The following MAD1L1 variants were observed in gnomAD, a reference collection of about 807,000 sequenced individuals.
MAD1L1 encodes the protein mitotic spindle assembly checkpoint protein MAD1.
In MAD1L1, 95 loss-of-function variants were observed where a neutral mutation model predicts 96.9. That is an observed-to-expected ratio of 0.98 (90% confidence interval 0.83 to 1.16). MAD1L1 has a LOEUF of 1.16. Ranked by LOEUF, MAD1L1 falls within the 50% of genes most tolerant of loss-of-function variation. The probability of loss-of-function intolerance (pLI) is 0.00; values close to 1 mark genes in which losing one functional copy is unlikely to be tolerated. For missense variants in MAD1L1, 1,007 were observed against 954.4 expected, an observed-to-expected ratio of 1.06 and a Z score of -0.73; for synonymous variants, 473 against 396.6, an observed-to-expected ratio of 1.19 and a Z score of -2.29.
chr7:2,180,967 C>T (rs968957461), intron 10 of MAD1L1, among the ~76,000 whole-genome samples: 1 of 152,220 alleles, frequency 6.6e-6, no homozygotes, highest in African/African-American at 2.4e-5. Context: ...ATCCTGTCTT[C>T]ATTTTTCTTC....
In MAD1L1 at chr7:2,107,566, C is replaced by T. The variant is rs1787166473; in HGVS notation, c.1074-38228G>A. The stretch of plus-strand genomic sequence containing the variant: ...ATCATGCTGTGATCCCCGCACTGTG[C>T]CAGCCCTGCTGGCGTCCCAGCAGCT... On this transcript the variant is annotated intron_variant, in intron 11 of 18. Coordinates refer to ENST00000265854, the MANE Select transcript of MAD1L1 (RefSeq NM_001013836.2). 4 of 152,464 alleles carry T rather than the reference C, an allele frequency of 2.6e-5. No individual in the cohort carries two copies. The South Asian group carries it at 8.3e-4, about 32-fold the overall frequency. 9.4% of individuals were successfully genotyped at this position (152,464 alleles called of 1,614,324 possible). A position where few individuals can be genotyped will look rare whatever the true frequency, so the allele number is the denominator to read the frequency against.
intron 10 of MAD1L1, among the ~76,000 whole-genome samples, chr7:2,210,762 C>T (rs1355880864): frequency 6.6e-6 from 1 of 152,234 alleles, no homozygotes; most frequent in African/African-American, 2.4e-5. Context: ...CTGCCCTCTA[C>T]CAGGCCCACA....
In MAD1L1 at chr7:1,858,124, AT is replaced by A. The variant is rs565921940; in HGVS notation, c.1998+40075del. 2.0e-3 allele frequency among the ~76,000 whole-genome samples: 306 copies of A among 152,218 alleles called. 3 individuals are homozygous for A. Among genetic ancestry groups the A allele is most frequent in the African/African-American group, 6.9e-3 (287 of 41,542 alleles). ...GGTCTAACATTTAAAAGCTGCTTTA[AT>A]TTCTTAGGCTTGCTTTTCCTCAGCA... On this transcript the variant is annotated intron_variant, in intron 18 of 18. Transcript: ENST00000265854.
At chr7:2,060,618 CAAAT>C (rs1204804880) in intron 12 of MAD1L1, among the ~76,000 whole-genome samples, 1 of 152,124 alleles carries the variant, frequency 6.6e-6, no homozygotes. Context: ...GAATCGTAAA[CAAAT>C]AAAAAAAGAG....
chr7:1,975,295 C>T (rs774589342), intron 15 of MAD1L1, among the ~76,000 whole-genome samples: 3 of 152,224 alleles, frequency 2.0e-5, no homozygotes, highest in African/African-American at 4.8e-5. Context: ...CACCTGGGAC[C>T]ATAGCATCTG....
At chr7:1,916,527 A>T (rs1195024355) in intron 17 of MAD1L1, among the ~76,000 whole-genome samples, 18 of 152,116 alleles carry the variant, frequency 1.2e-4, no homozygotes, top group Admixed American at 1.1e-3. Flanking sequence ...AGCATGAGGC[A>T]TGGCGGGGGA....
intron 11 of MAD1L1, among the ~76,000 whole-genome samples, chr7:2,095,134 C>T (rs569219148): frequency 2.9e-4 from 44 of 152,126 alleles, no homozygotes; most frequent in Non-Finnish European, 5.4e-4. Context: ...GCTCCGCCTC[C>T]GGGGTTCACG....
At chr7:1,965,975 G>A (rs1359581220) in intron 15 of MAD1L1, among the ~76,000 whole-genome samples, 2 of 152,342 alleles carry the variant, frequency 1.3e-5, no homozygotes, top group South Asian at 2.1e-4. Flanking sequence ...TCCCTGGGTC[G>A]GCCCATGCCT....
intron 13 of MAD1L1, among the ~76,000 whole-genome samples, chr7:2,013,516 C>T (rs1426577404): frequency 6.6e-6 from 1 of 152,212 alleles, no homozygotes; most frequent in Non-Finnish European, 1.5e-5. Context: ...TGGGTTTCCT[C>T]GTGAGCGAAA....
chr7:2,174,115 T>C (rs1790839010), intron 10 of MAD1L1, among the ~76,000 whole-genome samples: 1 of 152,220 alleles, frequency 6.6e-6, no homozygotes, highest in Non-Finnish European at 1.5e-5. Flanking sequence ...GCACCATGCC[T>C]GGCCAGGATG....
intron 13 of MAD1L1, among the ~76,000 whole-genome samples, chr7:2,013,247 G>T (rs751628098): frequency 3.3e-5 from 5 of 152,226 alleles, no homozygotes; most frequent in Non-Finnish European, 7.3e-5. Context: ...CTGGTCACTG[G>T]CTGAATGAGG....
At chr7:1,900,091 C>T (rs971475237) in intron 17 of MAD1L1, among the ~76,000 whole-genome samples, 1 of 152,216 alleles carries the variant, frequency 6.6e-6, no homozygotes, top group African/African-American at 2.4e-5. Context: ...GGCCGCTGGG[C>T]ACCCCCGATG....
At chr7:2,005,121 A>C (rs2128493880) in intron 13 of MAD1L1, among the ~76,000 whole-genome samples, 1 of 152,234 alleles carries the variant, frequency 6.6e-6, no homozygotes, top group East Asian at 1.9e-4. Context: ...GCTCACACGC[A>C]GGGCCCTGGG....
chr7:1,933,138 G>A (rs975268196), intron 17 of MAD1L1, among the ~76,000 whole-genome samples: 5 of 152,142 alleles, frequency 3.3e-5, no homozygotes, highest in African/African-American at 1.2e-4. Flanking sequence ...GCTGTGCTCT[G>A]TTTTCCCTGC....
intron 18 of MAD1L1, among the ~76,000 whole-genome samples, chr7:1,856,431 T>C (rs1030013383): frequency 5.8e-4 from 88 of 152,154 alleles, no homozygotes; most frequent in Non-Finnish European, 8.8e-4. Flanking sequence ...CTGCCGGGGT[T>C]GGGGGATGGG....
chr7:1,873,463 G>T (rs1378164682), intron 18 of MAD1L1, among the ~76,000 whole-genome samples: 1 of 152,020 alleles, frequency 6.6e-6, no homozygotes, highest in Non-Finnish European at 1.5e-5. Flanking sequence ...AGGGGCAGGT[G>T]GGGAGCCCTG....
chr7:2,001,209 C>T (rs748600339), intron 14 of MAD1L1, among the ~76,000 whole-genome samples: 1 of 152,236 alleles, frequency 6.6e-6, no homozygotes, highest in Non-Finnish European at 1.5e-5. Context: ...CCCTGGGGTC[C>T]GTACAACGCC....
At chr7:1,878,811 A>G (rs1240254940) in intron 18 of MAD1L1, among the ~76,000 whole-genome samples, 1 of 150,488 alleles carries the variant, frequency 6.6e-6, no homozygotes, top group Non-Finnish European at 1.5e-5. Flanking sequence ...AATATAAGGC[A>G]TAAAAGTTGA....
chr7:1,884,680 G>C (rs1323027490), intron 18 of MAD1L1, among the ~76,000 whole-genome samples: 1 of 152,232 alleles, frequency 6.6e-6, no homozygotes, highest in African/African-American at 2.4e-5. Flanking sequence ...GGAGTTGTCT[G>C]AGTGGGCGGA....
Sources: gnomAD v4.1 joint callset for allele counts (sites outside exome capture counted in the v4.1 genomes callset) on GRCh38, gnomAD v4.1.1 for gene constraint, MANE v1.5 for transcripts, NCBI Gene and HGNC (gene_info 2026-07-23, HGNC 2026-07-21) for gene names.